The following IPP variants were observed in gnomAD, a reference collection of about 807,000 sequenced individuals.
The protein encoded by IPP is intracisternal A particle-promoted polypeptide.
In IPP, 41 loss-of-function variants were observed where a neutral mutation model predicts 64.1. That is an observed-to-expected ratio of 0.64 (90% CI 0.50 to 0.83). The LOEUF (loss-of-function observed/expected upper bound fraction) is 0.83. Among genes scored for constraint, IPP ranks in the 40% least tolerant of loss-of-function variants. The pLI, the probability that IPP is intolerant of heterozygous loss-of-function variation, is 0.00. For synonymous variants in IPP, 214 were observed against 235.2 expected, an observed-to-expected ratio of 0.91 and a Z score of 0.83; for missense variants, 649 against 703.0, an observed-to-expected ratio of 0.92 and a Z score of 0.87.
downstream of IPP, chr1:45,697,917 C>A (rs183215260): frequency 6.6e-6 from 1 of 150,996 alleles, no homozygotes; most frequent in African/African-American, 2.4e-5. Context: ...GAGATCACAC[C>A]ATTGCACTCC....
At chr1:45,722,701 CT>C (rs1645750043) in intron 5 of IPP, among the ~76,000 whole-genome samples, 1 of 152,068 alleles carries the variant, frequency 6.6e-6, no homozygotes, top group Non-Finnish European at 1.5e-5. Flanking sequence ...AGAAATCAAA[CT>C]TACATCTACA....
At chr1:45,737,042 CAAAAAA>C (rs367755391) in intron 3 of IPP, among the ~76,000 whole-genome samples, 3 of 112,788 alleles carry the variant, frequency 2.7e-5, no homozygotes, top group African/African-American at 7.0e-5. Flanking sequence ...GACTCCATCT[CAAAAAA>C]AAAAAAAAAA....
At chr1:45,747,156 C>T (rs1570061775) in intron 1 of IPP, among the ~76,000 whole-genome samples, 1 of 151,986 alleles carries the variant, frequency 6.6e-6, no homozygotes. Context: ...TGAAACACAG[C>T]CCTTTAAAGG....
chr1:45,734,986 G>C (rs1467003521), intron 3 of IPP, among the ~76,000 whole-genome samples: 1 of 152,028 alleles, frequency 6.6e-6, no homozygotes, highest in Non-Finnish European at 1.5e-5. Context: ...CACCATGTTG[G>C]CCAGGCTGGT....
intron 8 of IPP, among the ~76,000 whole-genome samples, chr1:45,705,712 A>T (rs984480568): frequency 7.2e-5 from 11 of 152,160 alleles, no homozygotes; most frequent in Non-Finnish European, 1.3e-4. Context: ...AGGCTGAGGC[A>T]CAAGAATCAC....
At position 45,741,374 on chromosome 1, in the gene IPP, A is replaced by T. The variant is rs763798921; in HGVS notation, c.293-42T>A. The T allele has an allele frequency of 6.8e-6, 9 of 1,331,512 alleles. No homozygotes were observed. In the African/African-American group the frequency reaches 1.3e-4, roughly 20 times the overall value. The allele number at this position is 1,331,512 out of a possible 1,614,324, so 82.5% of individuals were successfully genotyped here. ...ACAAAATGGCCAATAAAATAAAAAC[A>T]AACATTGGCTTACCATATTCAAAAA... On this transcript the variant is annotated intron_variant, in intron 2 of 8. Transcript: ENST00000396478.
At chr1:45,736,643 A>C (rs1038236573) in intron 3 of IPP, among the ~76,000 whole-genome samples, 1 of 152,122 alleles carries the variant, frequency 6.6e-6, no homozygotes, top group Admixed American at 6.6e-5. Flanking sequence ...CCTTCACTGA[A>C]ATACCACTAG....
intron 5 of IPP, among the ~76,000 whole-genome samples, chr1:45,724,675 T>C (rs1357533427): frequency 3.7e-5 from 5 of 135,670 alleles, no homozygotes; most frequent in African/African-American, 5.6e-5. Flanking sequence ...GCCGCAACCC[T>C]GTCTGGGAGG....
At position 45,741,162 on chromosome 1, in the gene IPP, A is replaced by G. The variant is rs546862090; in HGVS notation, c.463T>C (p.Leu155=). 71 of 1,614,108 alleles carry G rather than the reference A, an allele frequency of 4.4e-5. No homozygotes were observed. Among genetic ancestry groups the G allele is most frequent in the Non-Finnish European group, 5.6e-5 (66 of 1,180,042 alleles). The change falls in exon 3 of 9, where the codon TTG becomes CTG. Residue 155 remains leucine, a synonymous_variant. Transcript: ENST00000396478. ...FSEQIACHDL[L]EFSENYIHVH... is the part of the protein sequence containing the mutation. ...TGAATGTAGTTTTCTGAGAATTCCAAGAGATCATGGCAGGCAATTTGCTCA... is the reference window on the plus strand; with the variant it reads ...TGAATGTAGTTTTCTGAGAATTCCAGGAGATCATGGCAGGCAATTTGCTCA...
intron 3 of IPP, among the ~76,000 whole-genome samples, chr1:45,735,684 C>T (rs71653974): frequency 8.2e-6 from 1 of 121,392 alleles, no homozygotes; most frequent in Non-Finnish European, 1.7e-5. Flanking sequence ...GGCTGGAGTG[C>T]AGTGGTGCGA....
rs576924285 is a variant in IPP, at chr1:45,736,701, G to C, written c.724+4200C>G. 8.5e-5 allele frequency among the ~76,000 whole-genome samples: 13 copies of C among 152,164 alleles called. No homozygotes were observed. In the South Asian group the frequency reaches 2.1e-3, roughly 24 times the overall value. On this transcript the variant is annotated intron_variant, in intron 3 of 8. Coordinates refer to ENST00000396478, the MANE Select transcript of IPP (RefSeq NM_005897.3). ...AAAAAACACTTCGGGACTTGAATTA[G>C]ACACTCTCACTGTGTCTAATTTTAA...
At chr1:45,701,948 G>A (rs2148546255) in intron 8 of IPP, among the ~76,000 whole-genome samples, 1 of 152,094 alleles carries the variant, frequency 6.6e-6, no homozygotes, top group Admixed American at 6.5e-5. Context: ...TGAAAGTGAA[G>A]GACTAGATTA....
At position 45,744,674 on chromosome 1, in the gene IPP, A is replaced by G. The variant is rs192117752; in HGVS notation, c.292+1446T>C. 6.2e-3 allele frequency among the ~76,000 whole-genome samples: 946 copies of G among 152,190 alleles called. 9 individuals carry two copies. The highest frequency in any genetic ancestry group is 0.021 in the African/African-American group (880 of 41,536). ...GCCAACATGGTGAAACCCCGTCTAT[A>G]CTAAAAATATAAAAATTAGCTGGGC... On this transcript the variant is annotated intron_variant, in intron 2 of 8. Coordinates refer to ENST00000396478, the MANE Select transcript of IPP (RefSeq NM_005897.3).
chr1:45,699,065 G>A lies in IPP; in HGVS notation c.*901C>T, dbSNP rs1645415717. The A allele has an allele frequency of 2.0e-6, 2 of 985,168 alleles. No homozygotes were observed. Among genetic ancestry groups the A allele is most frequent in the African/African-American group, 1.7e-5 (1 of 57,152 alleles). The allele number at this position is 985,168 out of a possible 1,614,324, so 61.0% of individuals were successfully genotyped here. On this transcript the variant is annotated 3_prime_UTR_variant, in exon 9 of 9. Coordinates refer to ENST00000396478, the MANE Select transcript of IPP (RefSeq NM_005897.3). ...AATTTCTAGGTGCATACTGCCTGCT[G>A]GACTGTATAGCCCATTACAACATCT...
intron 8 of IPP, among the ~76,000 whole-genome samples, chr1:45,702,484 T>C (rs932402609): frequency 2.6e-5 from 4 of 152,202 alleles, no homozygotes; most frequent in Non-Finnish European, 5.9e-5. Flanking sequence ...AGACGGAGTC[T>C]CACTCTGTCG....
Position 45,699,438 on chromosome 1 carries a change from C to A in IPP, c.*528G>T. ...ATAAAGTTTTATGTTACAATTTATA[C>A]TGCACTGGAGAAGTAGCTAAAGGGA... On this transcript the variant is annotated 3_prime_UTR_variant, in exon 9 of 9. Transcript: ENST00000396478. The A allele has an allele frequency of 1.0e-6, 1 of 986,558 alleles. No homozygotes were observed. Among genetic ancestry groups the A allele is most frequent in the Non-Finnish European group, 1.2e-6 (1 of 830,524 alleles). The allele number at this position is 986,558 out of a possible 1,614,324, so 61.1% of individuals were successfully genotyped here. A position where few individuals can be genotyped will look rare whatever the true frequency, so the allele number is the denominator to read the frequency against.
At chr1:45,742,760 A>G (rs961939036) in intron 2 of IPP, among the ~76,000 whole-genome samples, 2 of 151,424 alleles carry the variant, frequency 1.3e-5, no homozygotes, top group Non-Finnish European at 2.9e-5. Context: ...CTGATCTCAA[A>G]CTCCTGGGCT....
intron 1 of IPP, among the ~76,000 whole-genome samples, chr1:45,749,677 C>T (rs1269312189): frequency 6.6e-6 from 1 of 151,434 alleles, no homozygotes. Flanking sequence ...CCCGCCACCA[C>T]GCCCGGCTAA....
At chr1:45,743,236 CT>C (rs1260853923) in intron 2 of IPP, among the ~76,000 whole-genome samples, 171 of 139,250 alleles carry the variant, frequency 1.2e-3, no homozygotes, top group Middle Eastern at 0.011. Flanking sequence ...CCACACCCAT[CT>C]TTTTTTTTTT....
Sources: allele counts gnomAD v4.1 joint callset (sites outside exome capture counted in the v4.1 genomes callset), GRCh38; gene constraint gnomAD v4.1.1; transcripts MANE v1.5; gene names NCBI Gene and HGNC (gene_info 2026-07-23, HGNC 2026-07-21).